SLC2A9: variants seen among roughly 807,000 people sequenced by gnomAD.
SLC2A9 encodes the protein solute carrier family 2 member 9.
Under a neutral mutation model 50.6 loss-of-function variants are expected in SLC2A9, and 39 were observed. That is an observed-to-expected ratio of 0.77 (90% CI 0.60 to 1.01). The LOEUF (loss-of-function observed/expected upper bound fraction) is 1.01, where lower values mean the gene tolerates loss of function less well. Among genes scored for constraint, SLC2A9 ranks in the 50% least tolerant of loss-of-function variants. The pLI is 0.00. For missense variants in SLC2A9, 686 were observed against 677.6 expected (o/e 1.01, Z -0.14); for synonymous variants, 324 against 276.9 (o/e 1.17, Z -1.69).
intron 8 of SLC2A9, among the ~76,000 whole-genome samples, chr4:9,901,341 A>G (rs530837307): frequency 3.3e-5 from 5 of 152,164 alleles, no homozygotes; most frequent in Non-Finnish European, 7.3e-5. Flanking sequence ...TTTATCAATG[A>G]AAAAGGAATG....
downstream of SLC2A9, among the ~76,000 whole-genome samples, chr4:9,796,520 T>C (rs1225539680): frequency 1.3e-5 from 2 of 152,228 alleles, no homozygotes; most frequent in Admixed American, 6.5e-5. Context: ...ATTCTTTATA[T>C]AAAGGACTTA....
At chr4:9,782,998 T>C in intron 3 of SLC2A9, 4 of 1,614,218 alleles carry the variant, frequency 2.5e-6, no homozygotes, top group Non-Finnish European at 3.4e-6. Flanking sequence ...CTTTCTGCAG[T>C]GGACACCCCG....
At chr4:9,878,500 G>A (rs187728441) in intron 10 of SLC2A9, among the ~76,000 whole-genome samples, 10 of 152,202 alleles carry the variant, frequency 6.6e-5, no homozygotes, top group South Asian at 6.2e-4. Flanking sequence ...GTTGGTAAAC[G>A]CACTGAAGTG....
At chr4:9,835,532 A>G (rs1362640939) in intron 10 of SLC2A9, among the ~76,000 whole-genome samples, 1 of 152,176 alleles carries the variant, frequency 6.6e-6, no homozygotes, top group Non-Finnish European at 1.5e-5. Context: ...CTTTTACTAA[A>G]CTCTAGAGAG....
At chr4:9,964,286 T>G (rs1444190023) in intron 5 of SLC2A9, among the ~76,000 whole-genome samples, 1 of 152,148 alleles carries the variant, frequency 6.6e-6, no homozygotes, top group Non-Finnish European at 1.5e-5. Flanking sequence ...CCTTCCCAGC[T>G]GGTGCCAGTT....
intron 10 of SLC2A9, among the ~76,000 whole-genome samples, chr4:9,877,789 T>C (rs1051301739): frequency 6.6e-6 from 1 of 152,192 alleles, no homozygotes; most frequent in African/African-American, 2.4e-5. Flanking sequence ...TGTTATCTGA[T>C]GCTCCTGCCA....
chr4:9,874,302 G>A lies in SLC2A9; in HGVS notation c.1291+13265C>T, dbSNP rs925965206. Among the ~76,000 whole-genome samples the A allele has an allele frequency of 3.3e-5, 5 of 152,090 alleles. No individual in the cohort carries two copies. The East Asian group carries it at 9.6e-4, about 29-fold the overall frequency. On this transcript the variant is annotated intron_variant, in intron 10 of 11. Coordinates refer to ENST00000264784, the MANE Select transcript of SLC2A9 (RefSeq NM_020041.3). ...ATATTTTACAAGTTAGTACATTATT[G>A]AATAAACAGAATGATCACACCCTGT...
chr4:9,904,554 G>A (rs904439223), intron 8 of SLC2A9, among the ~76,000 whole-genome samples: 4 of 152,216 alleles, frequency 2.6e-5, no homozygotes, highest in Non-Finnish European at 1.5e-5. Context: ...TTTGTGCCAT[G>A]TAAGGTAATA....
chr4:9,781,456 C>T (rs1718352975), intron 3 of SLC2A9, among the ~76,000 whole-genome samples: 2 of 152,194 alleles, frequency 1.3e-5, no homozygotes, highest in African/African-American at 2.4e-5. Context: ...TTCCCCGGCC[C>T]GGGGACTAGG....
At chr4:9,913,702 G>A (rs989305497) in intron 7 of SLC2A9, among the ~76,000 whole-genome samples, 147 of 152,312 alleles carry the variant, frequency 9.7e-4, no homozygotes, top group African/African-American at 3.5e-3. Flanking sequence ...AGCTGGAGAT[G>A]TGTCTGCTGC....
At chr4:9,799,257 TTAGATTAGG>T (rs1350391350) in intron 3 of SLC2A9, 1 of 151,912 alleles carries the variant, frequency 6.6e-6, no homozygotes, top group Admixed American at 6.6e-5. Flanking sequence ...ACAAAATACC[TTAGATTAGG>T]TAATTTATAA....
chr4:9,959,217 TAAAAA>T (rs11338281), intron 5 of SLC2A9, among the ~76,000 whole-genome samples: 1 of 137,206 alleles, frequency 7.3e-6, no homozygotes. Flanking sequence ...CAATCTCTAC[TAAAAA>T]AAAAAAAAAA....
chr4:9,812,193 C>T (rs1366757104), intron 3 of SLC2A9, among the ~76,000 whole-genome samples: 1 of 152,178 alleles, frequency 6.6e-6, no homozygotes, highest in Non-Finnish European at 1.5e-5. Context: ...TCCTATATCT[C>T]TCAACAATCC....
At chr4:9,983,805 T>G (rs73805439) in intron 4 of SLC2A9, among the ~76,000 whole-genome samples, 26,709 of 152,236 alleles carry the variant, frequency 0.18, 2,426 homozygotes, top group South Asian at 0.23. Flanking sequence ...TGGCTTAAGT[T>G]TCGGGGTTTT....
intron 5 of SLC2A9, among the ~76,000 whole-genome samples, chr4:9,942,796 T>C (rs2110281619): frequency 6.6e-6 from 1 of 152,242 alleles, no homozygotes; most frequent in South Asian, 2.1e-4. Flanking sequence ...CTACCCAAGT[T>C]TACAAATAGG....
At chr4:9,790,723 A>G (rs1373945040) in intron 3 of SLC2A9, among the ~76,000 whole-genome samples, 1 of 152,164 alleles carries the variant, frequency 6.6e-6, no homozygotes, top group Non-Finnish European at 1.5e-5. Flanking sequence ...CCGACTCCAA[A>G]TTAGTTAAAT....
chr4:9,783,291 G>C, intron 3 of SLC2A9: 1 of 1,614,208 alleles, frequency 6.2e-7, no homozygotes. Flanking sequence ...GTTACCCCCG[G>C]CAACCGGGAG....
At chr4:9,826,701 C>G in intron 11 of SLC2A9, 101 bp from the exon 12 acceptor site, 1 of 1,066,154 alleles carries the variant, frequency 9.4e-7, no homozygotes, top group East Asian at 2.5e-5. Context: ...CATTCATATA[C>G]CAATACTCCT....
intron 10 of SLC2A9, chr4:9,880,530 C>T: frequency 4.1e-6 from 4 of 984,838 alleles, no homozygotes; most frequent in Non-Finnish European, 4.8e-6. Context: ...TGCAAAAAGT[C>T]TTGGGAGGGC....
Sources: gnomAD v4.1 joint callset for allele counts (sites outside exome capture counted in the v4.1 genomes callset) on GRCh38, gnomAD v4.1.1 for gene constraint, MANE v1.5 for transcripts, NCBI Gene and HGNC (gene_info 2026-07-23, HGNC 2026-07-21) for gene names.